The following PRKCB variants were observed in gnomAD, a reference collection of about 807,000 sequenced individuals.
PRKCB encodes protein kinase C beta type.
A neutral mutation model predicts 81.5 loss-of-function variants in PRKCB; 13 were observed. The ratio of observed to expected loss-of-function variants is 0.16; its 90% CI spans 0.10 to 0.25. The LOEUF is 0.25. PRKCB is among the 10% of genes least tolerant of loss of function. PRKCB has a pLI of 1.00. For missense variants in PRKCB, 509 were observed against 875.7 expected (o/e 0.58, Z 5.29); for synonymous variants, 335 against 321.4 (o/e 1.04, Z -0.45).
chr16:23,985,018 A>G lies in PRKCB; in HGVS notation c.206-3490A>G, dbSNP rs541115516. On this transcript the variant is annotated intron_variant, in intron 2 of 16. Coordinates refer to ENST00000643927, the MANE Select transcript of PRKCB (RefSeq NM_002738.7). ...AAGCAACTAAAACTCCACAAAAGCT[A>G]TTTGAGTTTTTTTAAAAAATGCTTT... 2.6e-5 allele frequency among the ~76,000 whole-genome samples: 4 copies of G among 152,300 alleles called. No homozygotes were observed. The South Asian group carries it at 6.2e-4, about 24-fold the overall frequency.
At chr16:24,072,936 G>A (rs534632364) in intron 5 of PRKCB, among the ~76,000 whole-genome samples, 1 of 152,192 alleles carries the variant, frequency 6.6e-6, no homozygotes, top group African/African-American at 2.4e-5. Flanking sequence ...AGTAGCTCAA[G>A]TATACCTTAC....
intron 3 of PRKCB, among the ~76,000 whole-genome samples, chr16:24,021,032 C>A (rs1276788837): frequency 1.4e-4 from 19 of 139,500 alleles, no homozygotes; most frequent in African/African-American, 5.3e-4. Flanking sequence ...TTCTTTCTTT[C>A]TTTCTTTCTC....
chr16:24,127,341 C>T (rs2141931945), intron 9 of PRKCB, among the ~76,000 whole-genome samples: 1 of 152,226 alleles, frequency 6.6e-6, no homozygotes, highest in Middle Eastern at 3.4e-3. Flanking sequence ...TCACATGATT[C>T]ATCATTAAGA....
chr16:24,184,346 G>A (rs1967670483), intron 13 of PRKCB, among the ~76,000 whole-genome samples: 2 of 151,966 alleles, frequency 1.3e-5, no homozygotes, highest in African/African-American at 4.8e-5. Flanking sequence ...AACTACACAG[G>A]AGGCTGAGGT....
intron 7 of PRKCB, chr16:24,098,380 C>T (rs1278029356): frequency 6.6e-6 from 1 of 152,144 alleles, no homozygotes; most frequent in Admixed American, 6.5e-5. Context: ...TAACTTTGCT[C>T]AGTTAAATAT....
At chr16:24,048,592 C>T (rs777905292) in intron 5 of PRKCB, among the ~76,000 whole-genome samples, 2 of 151,898 alleles carry the variant, frequency 1.3e-5, no homozygotes, top group Non-Finnish European at 2.9e-5. Flanking sequence ...CTGGTTCCAG[C>T]GATTCTCCTG....
chr16:24,001,667 C>T (rs1332571611), intron 3 of PRKCB, among the ~76,000 whole-genome samples: 3 of 152,098 alleles, frequency 2.0e-5, no homozygotes, highest in Non-Finnish European at 4.4e-5. Flanking sequence ...AGGATCTTTT[C>T]TTCTCGTAAA....
intron 13 of PRKCB, among the ~76,000 whole-genome samples, chr16:24,181,287 G>T (rs1444873033): frequency 6.6e-6 from 1 of 152,160 alleles, no homozygotes. Flanking sequence ...TATCCCCTGG[G>T]CTGGCATATG....
chr16:24,185,228 C>T, intron 14 of PRKCB, 37 bp downstream of exon 14: 1 of 1,561,664 alleles, frequency 6.4e-7, no homozygotes, highest in Non-Finnish European at 8.8e-7. Flanking sequence ...GAGAAGTCCT[C>T]CCTACCCCCA....
At chr16:24,144,333 A>G (rs899765159) in intron 9 of PRKCB, among the ~76,000 whole-genome samples, 2 of 152,138 alleles carry the variant, frequency 1.3e-5, no homozygotes, top group African/African-American at 4.8e-5. Context: ...TCACTCTGTC[A>G]CCCAGGCTGG....
chr16:23,878,898 G>C (rs1023933909), intron 2 of PRKCB, among the ~76,000 whole-genome samples: 1 of 152,104 alleles, frequency 6.6e-6, no homozygotes. Context: ...TGTTGGCTGG[G>C]TGTGGTGGTG....
At chr16:24,132,165 A>G (rs1966854282) in intron 9 of PRKCB, among the ~76,000 whole-genome samples, 1 of 151,970 alleles carries the variant, frequency 6.6e-6, no homozygotes, top group Admixed American at 6.6e-5. Flanking sequence ...CTTTTGTATT[A>G]TGTCTCCTCC....
intron 3 of PRKCB, among the ~76,000 whole-genome samples, chr16:24,021,087 C>CTTTCTTTCTTTCTTTCTT (rs1965374980): frequency 8.3e-6 from 1 of 119,798 alleles, no homozygotes; most frequent in African/African-American, 3.2e-5. Flanking sequence ...TTCTTTCTTT[C>CTTTCTTTCTTTCTTTCTT]TTTTTTTCTT....
At chr16:24,122,032 T>C (rs1460334705) in intron 8 of PRKCB, among the ~76,000 whole-genome samples, 1 of 152,204 alleles carries the variant, frequency 6.6e-6, no homozygotes, top group Non-Finnish European at 1.5e-5. Flanking sequence ...AGGAGAAAGA[T>C]GATAAATTGG....
intron 2 of PRKCB, among the ~76,000 whole-genome samples, chr16:23,934,008 A>C (rs1964021760): frequency 1.1e-5 from 1 of 87,164 alleles, no homozygotes; most frequent in Non-Finnish European, 2.1e-5. Context: ...CTGTTTGTTG[A>C]TTTTCTACCC....
At chr16:24,087,933 C>T (rs371317180) in intron 5 of PRKCB, among the ~76,000 whole-genome samples, 29 of 152,284 alleles carry the variant, frequency 1.9e-4, no homozygotes, top group Admixed American at 1.4e-3. Flanking sequence ...GACCAGGACA[C>T]GCTTCTCCTG....
intron 7 of PRKCB, among the ~76,000 whole-genome samples, chr16:24,111,740 G>A (rs1212462190): frequency 1.3e-5 from 2 of 152,154 alleles, no homozygotes; most frequent in East Asian, 1.9e-4. Context: ...CAAAGCTGCA[G>A]TGAGCTATGA....
At chr16:24,158,541 AGTATAT>A (rs869132220) in intron 10 of PRKCB, among the ~76,000 whole-genome samples, 15 of 105,638 alleles carry the variant, frequency 1.4e-4, no homozygotes, top group South Asian at 4.1e-4. Flanking sequence ...TATATGTATA[AGTATAT>A]GTATATGTAT....
chr16:23,982,334 T>TTTCCCTTTCCC (rs1964749042), intron 2 of PRKCB, among the ~76,000 whole-genome samples: 1 of 57,672 alleles, frequency 1.7e-5, no homozygotes, highest in South Asian at 7.7e-4. Context: ...TCCCCTTCCC[T>TTTCCCTTTCCC]TTCCCTTTCC....
Sources: allele counts gnomAD v4.1 joint callset (sites outside exome capture counted in the v4.1 genomes callset), GRCh38; gene constraint gnomAD v4.1.1; transcripts MANE v1.5; gene names NCBI Gene and HGNC (gene_info 2026-07-23, HGNC 2026-07-21).